The following NR3C2 variants were observed in gnomAD, a reference collection of about 807,000 sequenced individuals.
NR3C2 encodes nuclear receptor subfamily 3 group C member 2.
NR3C2 carries 15 observed loss-of-function variants against 86.4 expected under a neutral mutation model. That is an observed-to-expected ratio of 0.17 (90% CI 0.12 to 0.27). The LOEUF (loss-of-function observed/expected upper bound fraction) is 0.27. Among genes scored for constraint, NR3C2 ranks in the 10% least tolerant of loss-of-function variants. NR3C2 has a pLI of 1.00. For synonymous variants in NR3C2, 458 were observed against 450.5 expected (o/e 1.02, Z -0.21); for missense variants, 960 against 1,195.6 (o/e 0.80, Z 2.91).
upstream of NR3C2, chr4:148,444,154 G>A (rs1217885489): frequency 3.0e-6 from 3 of 985,296 alleles, no homozygotes; most frequent in Non-Finnish European, 3.6e-6. Context: ...CCCGGACCTA[G>A]AGCCTGGGCA....
At chr4:148,143,630 G>T (rs1353584573) in intron 6 of NR3C2, among the ~76,000 whole-genome samples, 4 of 152,062 alleles carry the variant, frequency 2.6e-5, no homozygotes, top group Non-Finnish European at 5.9e-5. Flanking sequence ...TGAGAGGTAG[G>T]GTTTTATAAA....
chr4:148,292,050 C>T (rs950630014), intron 2 of NR3C2, among the ~76,000 whole-genome samples: 6 of 151,878 alleles, frequency 4.0e-5, no homozygotes, highest in African/African-American at 1.5e-4. Context: ...ATGTATATTA[C>T]TTTTGCACCA....
chr4:148,444,040 A>G (rs1750479869), upstream of NR3C2: 4 of 985,204 alleles, frequency 4.1e-6, no homozygotes, highest in South Asian at 9.4e-5. Flanking sequence ...GAGCGTCCCA[A>G]CTTTCCCGCG....
At chr4:148,097,242 C>T (rs1400056187) in intron 8 of NR3C2, among the ~76,000 whole-genome samples, 1 of 152,062 alleles carries the variant, frequency 6.6e-6, no homozygotes. Flanking sequence ...ATACATGTCT[C>T]ACATTTTTGG....
upstream of NR3C2, chr4:148,444,047 C>T: frequency 1.0e-6 from 1 of 985,356 alleles, no homozygotes; most frequent in Non-Finnish European, 1.2e-6. Context: ...CCAACTTTCC[C>T]GCGGGGCCCA....
intron 2 of NR3C2, among the ~76,000 whole-genome samples, chr4:148,327,129 GA>G (rs1369554252): frequency 4.6e-5 from 7 of 152,144 alleles, no homozygotes; most frequent in Admixed American, 2.6e-4. Context: ...AAAGATGTGA[GA>G]GGGGTTAGGG....
chr4:148,332,158 A>T (rs1744261797), intron 2 of NR3C2, among the ~76,000 whole-genome samples: 2 of 152,234 alleles, frequency 1.3e-5, no homozygotes. Flanking sequence ...TGAATTCTAT[A>T]CTGAGTGAAT....
intron 8 of NR3C2, among the ~76,000 whole-genome samples, chr4:148,088,761 G>A (rs917336690): frequency 6.6e-6 from 1 of 152,182 alleles, no homozygotes; most frequent in Non-Finnish European, 1.5e-5. Flanking sequence ...AATACCTAAT[G>A]TAGATGACAG....
chr4:148,283,505 T>C (rs1048935934), intron 2 of NR3C2, among the ~76,000 whole-genome samples: 4 of 152,176 alleles, frequency 2.6e-5, no homozygotes, highest in Non-Finnish European at 4.4e-5. Context: ...GGCTTGCAAG[T>C]GCTTTAAAAA....
At chr4:148,215,928 C>T (rs974119227) in intron 3 of NR3C2, among the ~76,000 whole-genome samples, 3 of 150,986 alleles carry the variant, frequency 2.0e-5, no homozygotes, top group African/African-American at 4.9e-5. Context: ...TATAGGCGCC[C>T]ACCACCACGC....
At chr4:148,082,447 C>G (rs555653064) in intron 8 of NR3C2, among the ~76,000 whole-genome samples, 1 of 152,060 alleles carries the variant, frequency 6.6e-6, no homozygotes, top group Non-Finnish European at 1.5e-5. Flanking sequence ...TCGCCTCACC[C>G]GGGAAGTGCA....
chr4:148,321,933 G>A (rs1579155468), intron 2 of NR3C2, among the ~76,000 whole-genome samples: 2 of 152,172 alleles, frequency 1.3e-5, no homozygotes, highest in South Asian at 2.1e-4. Context: ...GATGTTAGCT[G>A]GTTATTTTGC....
chr4:148,260,412 A>T (rs1187119843), intron 2 of NR3C2, among the ~76,000 whole-genome samples: 1 of 152,154 alleles, frequency 6.6e-6, no homozygotes, highest in Admixed American at 6.5e-5. Flanking sequence ...AAATCACACT[A>T]TTTGCACTTT....
At chr4:148,400,566 G>A (rs1397562638) in intron 2 of NR3C2, among the ~76,000 whole-genome samples, 1 of 151,950 alleles carries the variant, frequency 6.6e-6, no homozygotes, top group East Asian at 1.9e-4. Context: ...GGATCATAAG[G>A]TCAGGAGTTC....
intron 3 of NR3C2, among the ~76,000 whole-genome samples, chr4:148,230,593 G>GT (rs1353792579): frequency 1.3e-5 from 2 of 152,154 alleles, no homozygotes; most frequent in African/African-American, 4.8e-5. Context: ...GTAATATTTT[G>GT]TATTATTGAA....
At chr4:148,219,512 T>G (rs1432681483) in intron 3 of NR3C2, among the ~76,000 whole-genome samples, 1 of 152,256 alleles carries the variant, frequency 6.6e-6, no homozygotes, top group African/African-American at 2.4e-5. Flanking sequence ...TTCATAATTA[T>G]ACTTAGACAT....
intron 2 of NR3C2, among the ~76,000 whole-genome samples, chr4:148,311,681 A>G (rs1449212400): frequency 6.6e-6 from 1 of 152,170 alleles, no homozygotes; most frequent in Admixed American, 6.5e-5. Flanking sequence ...AAAGTTTCCA[A>G]CTGCCCCAGT....
chr4:148,266,073 C>T (rs931310950), intron 2 of NR3C2, among the ~76,000 whole-genome samples: 3 of 120,142 alleles, frequency 2.5e-5, no homozygotes, highest in African/African-American at 5.9e-5. Context: ...TCCAGAAGGC[C>T]GCTTTTTTTT....
intron 6 of NR3C2, among the ~76,000 whole-genome samples, chr4:148,126,142 G>C (rs1192971493): frequency 6.6e-6 from 1 of 152,226 alleles, no homozygotes; most frequent in Non-Finnish European, 1.5e-5. Flanking sequence ...CAGCCTTTCA[G>C]CATGCTGGCT....
Sources: gnomAD v4.1 joint callset for allele counts (sites outside exome capture counted in the v4.1 genomes callset) on GRCh38, gnomAD v4.1.1 for gene constraint, MANE v1.5 for transcripts, NCBI Gene and HGNC (gene_info 2026-07-23, HGNC 2026-07-21) for gene names.